HFM1: variants seen among roughly 807,000 people sequenced by gnomAD.
HFM1 encodes the protein helicase for meiosis 1.
Under a neutral mutation model 192.1 loss-of-function variants are expected in HFM1, and 169 were observed. The observed-to-expected ratio is 0.88, with a 90% CI of 0.78 to 1.00. HFM1 has a LOEUF of 1.00. Among genes scored for constraint, HFM1 ranks in the 50% least tolerant of loss-of-function variants. The pLI is 0.00. For missense variants in HFM1, 1,661 were observed against 1,668.0 expected, an observed-to-expected ratio of 1.00 and a Z score of 0.07; for synonymous variants, 525 against 537.8, an observed-to-expected ratio of 0.98 and a Z score of 0.33.
At chr1:91,347,391 T>A (rs1262197732) in intron 19 of HFM1, 38 bp downstream of exon 19, 6 of 1,226,928 alleles carry the variant, frequency 4.9e-6, no homozygotes, top group African/African-American at 1.5e-5. Context: ...TTCACTAAAA[T>A]ATATAGAATC....
chr1:91,277,171 T>C, intron 30 of HFM1, 109 bp from the exon 31 acceptor site: 1 of 567,284 alleles, frequency 1.8e-6, no homozygotes. Context: ...TACAAAAATA[T>C]TGATTTTTAT....
Position 91,340,838 on chromosome 1 carries a change from A to T in HFM1, c.2335+2592T>A, listed in dbSNP as rs114521039. Among the ~76,000 whole-genome samples, 1,047 of 152,344 alleles carry T rather than the reference A, an allele frequency of 6.9e-3. 7 individuals carry two copies. The highest frequency in any genetic ancestry group is 0.017 in the South Asian group (81 of 4,830). On this transcript the variant is annotated intron_variant, in intron 20 of 38. Transcript: ENST00000370425. The stretch of plus-strand genomic sequence containing the variant: ...AGACTTTACACCTTAACTATCAAAA[A>T]GGACAAAGAAGGACACTGATAATGA...
rs1027932447 is a variant in HFM1 at position 91,362,003 on chromosome 1, T to C, written c.1686-8704A>G. On this transcript the variant is annotated intron_variant, in intron 13 of 38. Transcript: ENST00000370425. ...CGATACAATTCAACACTCCTTCATG[T>C]TAAAAACTCTCAACAAACTAGGTAT... Among the ~76,000 whole-genome samples, 36 of 152,152 alleles carry C rather than the reference T, an allele frequency of 2.4e-4. 1 individual carries two copies. Among genetic ancestry groups the C allele is most frequent in the African/African-American group, 8.7e-4 (36 of 41,434 alleles).
At chr1:91,336,816 G>A (rs527697254) in intron 20 of HFM1, among the ~76,000 whole-genome samples, 2 of 152,236 alleles carry the variant, frequency 1.3e-5, no homozygotes, top group South Asian at 4.1e-4. Flanking sequence ...CAATATCAAA[G>A]ACATGGAATC....
Position 91,291,161 on chromosome 1 carries a change from C to T in HFM1, c.3392-14099G>A, listed in dbSNP as rs1023969421. On this transcript the variant is annotated intron_variant, in intron 30 of 38. Transcript: ENST00000370425. The stretch of plus-strand genomic sequence containing the variant: ...AAAGAACTAGAAAAGCAAGAGCAAA[C>T]ACATTCAAAAGCTAGCAGAAGTCAA... Among the ~76,000 whole-genome samples, 49 of 152,126 alleles carry T rather than the reference C, an allele frequency of 3.2e-4. 1 individual carries two copies. Among genetic ancestry groups the T allele is most frequent in the Non-Finnish European group, 6.2e-4 (42 of 68,020 alleles).
At chr1:91,380,673 G>A (rs901781969) in intron 7 of HFM1, among the ~76,000 whole-genome samples, 11 of 152,134 alleles carry the variant, frequency 7.2e-5, no homozygotes, top group Non-Finnish European at 1.2e-4. Context: ...AAAATCGCTT[G>A]AACCTGGGAA....
intron 30 of HFM1, among the ~76,000 whole-genome samples, chr1:91,307,954 C>T (rs1335295282): frequency 6.6e-6 from 1 of 151,864 alleles, no homozygotes; most frequent in Non-Finnish European, 1.5e-5. Context: ...TTCTGTTTTC[C>T]ATCATTATTG....
At chr1:91,280,172 G>A (rs1166288424) in intron 30 of HFM1, among the ~76,000 whole-genome samples, 1 of 152,230 alleles carries the variant, frequency 6.6e-6, no homozygotes, top group Admixed American at 6.5e-5. Context: ...ATGCTATGTG[G>A]TAACAGGTGA....
chr1:91,280,666 T>C (rs1356138363), intron 30 of HFM1, among the ~76,000 whole-genome samples: 1 of 152,240 alleles, frequency 6.6e-6, no homozygotes, highest in African/African-American at 2.4e-5. Context: ...GGTATGGAAC[T>C]TTCCATTTTG....
At position 91,375,652 on chromosome 1, in the gene HFM1, GT is replaced by G; in HGVS notation, c.1470del (p.Lys490AsnfsTer22). 6.2e-7 allele frequency: 1 copy of G among 1,613,404 alleles called. No individual in the cohort carries two copies. The highest frequency in any genetic ancestry group is 8.5e-7 in the Non-Finnish European group (1 of 1,179,530). On this transcript the variant is annotated frameshift_variant, in exon 12 of 39. Transcript: ENST00000370425. LOFTEE classifies it high-confidence loss of function. Reference sequence around the variant, plus strand: ...GGAAATCCAAGGACCACTTTCTGAAGTTTCACTGGTCTATGGCTCTCATCCA... The same window carrying G: ...GGAAATCCAAGGACCACTTTCTGAAGTTCACTGGTCTATGGCTCTCATCCA... Reference protein sequence around the residue: ...LKMDESHRPVKLQKVVLGFPC... With the variant: ...LKMDESHRPVXLQKVVLGFPC...
chr1:91,266,540 C>A (rs1665783187), intron 35 of HFM1, among the ~76,000 whole-genome samples: 1 of 152,086 alleles, frequency 6.6e-6, no homozygotes, highest in Non-Finnish European at 1.5e-5. Context: ...TGTGTTTTTG[C>A]ACTCACTCTC....
intron 30 of HFM1, among the ~76,000 whole-genome samples, chr1:91,278,221 T>C (rs1165978851): frequency 2.0e-5 from 3 of 151,928 alleles, no homozygotes; most frequent in Non-Finnish European, 1.5e-5. Flanking sequence ...AAATTAGCTA[T>C]ATGAATTTAC....
intron 30 of HFM1, among the ~76,000 whole-genome samples, chr1:91,310,507 G>C (rs1408051702): frequency 6.6e-6 from 1 of 152,122 alleles, no homozygotes; most frequent in Non-Finnish European, 1.5e-5. Flanking sequence ...CCTGACAATG[G>C]CTATAACAAT....
At chr1:91,314,397 G>A (rs1302705500) in intron 28 of HFM1, among the ~76,000 whole-genome samples, 2 of 152,064 alleles carry the variant, frequency 1.3e-5, no homozygotes, top group African/African-American at 4.8e-5. Context: ...GGGACCACAG[G>A]CACATTGGCA....
rs1571264849 is a variant in HFM1, at chr1:91,404,806, G to C, written c.-36C>G. On this transcript the variant is annotated 5_prime_UTR_variant, in exon 1 of 39. Transcript: ENST00000370425. The stretch of plus-strand genomic sequence containing the variant: ...CGGGCCCCTCTCCTCACCTCCCTGC[G>C]GACAGCTCCTAGGCCAGTCGAGCGC... 1 of 452,878 alleles carries C rather than the reference G, an allele frequency of 2.2e-6. No homozygotes were observed. The highest frequency in any genetic ancestry group is 2.0e-5 in the African/African-American group (1 of 49,764). 28.1% of individuals were successfully genotyped at this position (452,878 alleles called of 1,614,324 possible). A position where few individuals can be genotyped will look rare whatever the true frequency, so the allele number is the denominator to read the frequency against.
intron 30 of HFM1, among the ~76,000 whole-genome samples, chr1:91,286,679 C>G (rs937154032): frequency 6.6e-6 from 1 of 152,204 alleles, no homozygotes; most frequent in Non-Finnish European, 1.5e-5. Flanking sequence ...ATAGGAACAT[C>G]TCCAGTCTAC....
chr1:91,400,408 A>G (rs1182581766), intron 2 of HFM1, among the ~76,000 whole-genome samples: 1 of 151,908 alleles, frequency 6.6e-6, no homozygotes, highest in Non-Finnish European at 1.5e-5. Context: ...ATTATTTCCC[A>G]TCTTTAGCTT....
intron 13 of HFM1, among the ~76,000 whole-genome samples, chr1:91,355,066 A>G (rs1188204120): frequency 6.6e-6 from 1 of 152,188 alleles, no homozygotes; most frequent in Non-Finnish European, 1.5e-5. Context: ...AAAAAGATGT[A>G]AACTGTGTCA....
chr1:91,276,695 GA>G lies in HFM1; in HGVS notation c.3520del (p.Ser1174LeufsTer7). 1 of 1,562,482 alleles carries G rather than the reference GA, an allele frequency of 6.4e-7. No individual in the cohort carries two copies. On this transcript the variant is annotated frameshift_variant, in exon 32 of 39. Transcript: ENST00000370425. LOFTEE classifies it high-confidence loss of function. ...GTTTCTTAAATCAGATAAATATGAA[GA>G]AATTGTTGACTCTTTAATTTCTGAC... ...QKSEIKESTI[S>X]SYLSDLRNRN...
Sources: gnomAD v4.1 joint callset for allele counts (sites outside exome capture counted in the v4.1 genomes callset) on GRCh38, gnomAD v4.1.1 for gene constraint, MANE v1.5 for transcripts, NCBI Gene and HGNC (gene_info 2026-07-23, HGNC 2026-07-21) for gene names.